The following FBXL5 variants were observed in gnomAD, a reference collection of about 807,000 sequenced individuals.
FBXL5 encodes F-box/LRR-repeat protein 5.
FBXL5 carries 26 observed loss-of-function variants against 78.3 expected under a neutral mutation model. The observed-to-expected ratio is 0.33, with a 90% CI of 0.24 to 0.46. The LOEUF is 0.46. FBXL5 is among the 20% of genes least tolerant of loss of function. The probability of loss-of-function intolerance (pLI) is 1.00; values close to 1 mark genes in which losing one functional copy is unlikely to be tolerated. For synonymous variants in FBXL5, 295 were observed against 282.5 expected (o/e 1.04, Z -0.45); for missense variants, 710 against 829.2 (o/e 0.86, Z 1.77).
Position 15,604,509 on chromosome 4 carries a change from A to T in FBXL5, c.*1214T>A, listed in dbSNP as rs1721754958. ...TAATAATAGTGAAAAACTATGAAAT[A>T]CTCCAAGAATTATCACAATATACGA... is the stretch of plus-strand genomic sequence containing the variant. On this transcript the variant is annotated 3_prime_UTR_variant, in exon 11 of 11. Coordinates refer to ENST00000341285, the MANE Select transcript of FBXL5 (RefSeq NM_012161.4). 6.8e-6 allele frequency: 1 copy of T among 146,110 alleles called. No individual in the cohort carries two copies. Among genetic ancestry groups the T allele is most frequent in the Non-Finnish European group, 1.5e-5 (1 of 66,910 alleles). The allele number at this position is 146,110 out of a possible 1,614,324, so 9.1% of individuals were successfully genotyped here.
At chr4:15,642,272 GCT>G (rs1446832252) in intron 2 of FBXL5, among the ~76,000 whole-genome samples, 1 of 146,806 alleles carries the variant, frequency 6.8e-6, no homozygotes. Flanking sequence ...GACAAGCCTT[GCT>G]CTGTTGCCCA....
At chr4:15,640,203 G>T (rs115894167) in intron 3 of FBXL5, among the ~76,000 whole-genome samples, 16 of 152,012 alleles carry the variant, frequency 1.1e-4, no homozygotes, top group African/African-American at 3.9e-4. Context: ...ACCATGCCCA[G>T]CTGATTTTTT....
chr4:15,648,932 T>C (rs1425872821), intron 1 of FBXL5, among the ~76,000 whole-genome samples: 1 of 152,214 alleles, frequency 6.6e-6, no homozygotes, highest in Non-Finnish European at 1.5e-5. Flanking sequence ...GTAATCATTA[T>C]ACAATGTACA....
intron 1 of FBXL5, among the ~76,000 whole-genome samples, chr4:15,646,105 C>T (rs572612974): frequency 2.1e-4 from 32 of 152,250 alleles, no homozygotes; most frequent in African/African-American, 7.0e-4. Flanking sequence ...CTTTTGCAGG[C>T]CATGTGGTCT....
At chr4:15,633,736 G>C (rs185581436) in intron 5 of FBXL5, among the ~76,000 whole-genome samples, 2 of 152,248 alleles carry the variant, frequency 1.3e-5, no homozygotes, top group East Asian at 3.9e-4. Flanking sequence ...GGGATAACAG[G>C]AATGCACCTC....
chr4:15,652,290 T>G (rs1716172444), intron 1 of FBXL5, among the ~76,000 whole-genome samples: 2 of 152,208 alleles, frequency 1.3e-5, no homozygotes, highest in African/African-American at 4.8e-5. Context: ...ACTACTATGA[T>G]TTAATATAAA....
upstream of FBXL5, among the ~76,000 whole-genome samples, chr4:15,658,084 T>C (rs1717102263): frequency 6.6e-6 from 1 of 152,246 alleles, no homozygotes; most frequent in Non-Finnish European, 1.5e-5. Flanking sequence ...AATAGGCCTC[T>C]TCTATAGTAG....
At chr4:15,673,973 C>T (rs1717865116) in intron 1 of FBXL5, among the ~76,000 whole-genome samples, 1 of 152,142 alleles carries the variant, frequency 6.6e-6, no homozygotes, top group Non-Finnish European at 1.5e-5. Context: ...TCTTGGAAAA[C>T]ATTGTTTTAT....
chr4:15,641,482 T>A, intron 2 of FBXL5: 1 of 350,006 alleles, frequency 2.9e-6, no homozygotes. Context: ...GATTTTTTTC[T>A]TCCGTATGAT....
intron 1 of FBXL5, among the ~76,000 whole-genome samples, chr4:15,665,616 T>C (rs1717507641): frequency 6.6e-6 from 1 of 152,186 alleles, no homozygotes; most frequent in Admixed American, 6.5e-5. Context: ...CTCCACTGCC[T>C]AGCCTAGAGC....
At chr4:15,662,458 C>T (rs866638647), upstream of FBXL5, among the ~76,000 whole-genome samples, 3 of 152,142 alleles carry the variant, frequency 2.0e-5, no homozygotes, top group African/African-American at 7.2e-5. Flanking sequence ...TAGGCTTTCA[C>T]AGTACCTGGC....
intron 1 of FBXL5, among the ~76,000 whole-genome samples, chr4:15,650,702 C>T (rs1399191079): frequency 8.7e-6 from 1 of 115,170 alleles, no homozygotes; most frequent in Non-Finnish European, 1.6e-5. Context: ...GAGTCTCACT[C>T]TGTCGCCCAG....
chr4:15,617,772 A>G (rs1184066469), intron 9 of FBXL5, among the ~76,000 whole-genome samples: 1 of 152,184 alleles, frequency 6.6e-6, no homozygotes, highest in Admixed American at 6.5e-5. Context: ...ACACATGTAC[A>G]CATGGAAGGA....
In FBXL5 at chr4:15,666,871, T is replaced by TA. The variant is rs1222526858; in HGVS notation, c.-283-6950dup. Among the ~76,000 whole-genome samples the TA allele has an allele frequency of 2.6e-3, 385 of 145,846 alleles. 7 individuals are homozygous for TA. The East Asian group carries it at 0.056, about 21-fold the overall frequency. ...GAGTAAATTTCAAATGTCCCACCAT[T>TA]AAAAAAAAAAAGACAGGCAAATGGA... On this transcript the variant is annotated intron_variant, in intron 1 of 4. Coordinates refer to the FBXL5 transcript ENST00000507899.
intron 4 of FBXL5, among the ~76,000 whole-genome samples, chr4:15,638,240 A>G (rs1422178408): frequency 6.6e-6 from 1 of 152,212 alleles, no homozygotes; most frequent in Non-Finnish European, 1.5e-5. Context: ...GTGGTTTTCA[A>G]TAATTTTGAT....
At chr4:15,627,844 T>C (rs1280044084) in intron 7 of FBXL5, 41 bp downstream of exon 7, 4 of 1,569,334 alleles carry the variant, frequency 2.5e-6, no homozygotes, top group Non-Finnish European at 3.4e-6. Flanking sequence ...CTTATCATGC[T>C]GTTTTTCTTA....
chr4:15,672,541 A>G (rs1414004422), intron 1 of FBXL5, among the ~76,000 whole-genome samples: 4 of 152,204 alleles, frequency 2.6e-5, no homozygotes, highest in Non-Finnish European at 5.9e-5. Context: ...TTGTATCTAA[A>G]CATAGAAAAG....
intron 3 of FBXL5, 151 bp downstream of exon 3, chr4:15,640,637 C>A: frequency 2.4e-6 from 1 of 418,108 alleles, no homozygotes; most frequent in Non-Finnish European, 4.3e-6. Flanking sequence ...TTTTTTTTTC[C>A]CTTGGGTTTT....
At chr4:15,638,272 C>A (rs1322902334) in intron 4 of FBXL5, among the ~76,000 whole-genome samples, 1 of 152,132 alleles carries the variant, frequency 6.6e-6, no homozygotes, top group African/African-American at 2.4e-5. Flanking sequence ...TAAATTTATT[C>A]AAGAAACACT....
Sources: gnomAD v4.1 joint callset for allele counts (sites outside exome capture counted in the v4.1 genomes callset) on GRCh38, gnomAD v4.1.1 for gene constraint, MANE v1.5 for transcripts, NCBI Gene and HGNC (gene_info 2026-07-23, HGNC 2026-07-21) for gene names.